The following MYO1D variants were observed in gnomAD, a reference collection of about 807,000 sequenced individuals.
The protein encoded by MYO1D is unconventional myosin-Id.
A neutral mutation model predicts 122.0 loss-of-function variants in MYO1D; 83 were observed. The observed-to-expected ratio is 0.68, with a 90% CI of 0.57 to 0.82. The LOEUF (loss-of-function observed/expected upper bound fraction) is 0.82, where lower values mean the gene tolerates loss of function less well. Among genes scored for constraint, MYO1D ranks in the 40% least tolerant of loss-of-function variants. MYO1D has a pLI of 0.00. For synonymous variants in MYO1D, 464 were observed against 446.9 expected, an observed-to-expected ratio of 1.04 and a Z score of -0.48; for missense variants, 1,157 against 1,269.5, an observed-to-expected ratio of 0.91 and a Z score of 1.35.
At chr17:32,582,410 T>C (rs2087351012) in intron 21 of MYO1D, among the ~76,000 whole-genome samples, 1 of 152,250 alleles carries the variant, frequency 6.6e-6, no homozygotes, top group Non-Finnish European at 1.5e-5. Context: ...TAATTTCCCC[T>C]TTGACCTATA....
chr17:32,595,251 C>G lies in MYO1D; in HGVS notation c.2864+9836G>C, dbSNP rs1364312721. Among the ~76,000 whole-genome samples, 3 of 152,174 alleles carry G rather than the reference C, an allele frequency of 2.0e-5. No homozygotes were observed. The South Asian group carries it at 6.2e-4, about 32-fold the overall frequency. ...AGCACTGCAGGGTGAATATAGAACC[C>G]TATTCTGTAATCTTATCTGTAATCG... On this transcript the variant is annotated intron_variant, in intron 21 of 21. Coordinates refer to ENST00000318217, the MANE Select transcript of MYO1D (RefSeq NM_015194.3).
chr17:32,676,192 T>C (rs2088806485), intron 16 of MYO1D, among the ~76,000 whole-genome samples: 1 of 152,212 alleles, frequency 6.6e-6, no homozygotes, highest in Admixed American at 6.5e-5. Flanking sequence ...TGCCACACAT[T>C]AAAGCCCTCA....
chr17:32,588,061 G>A (rs1164779694), intron 21 of MYO1D, among the ~76,000 whole-genome samples: 1 of 152,170 alleles, frequency 6.6e-6, no homozygotes, highest in Non-Finnish European at 1.5e-5. Flanking sequence ...AGATGAATTA[G>A]TCATCTGGCA....
intron 21 of MYO1D, among the ~76,000 whole-genome samples, chr17:32,556,255 A>C (rs1224285788): frequency 1.3e-5 from 2 of 152,088 alleles, no homozygotes; most frequent in South Asian, 4.1e-4. Flanking sequence ...TCTTACCTAT[A>C]TTTTTCTAAC....
intron 14 of MYO1D, among the ~76,000 whole-genome samples, chr17:32,736,993 G>A (rs1194910824): frequency 1.3e-5 from 2 of 152,202 alleles, no homozygotes; most frequent in African/African-American, 4.8e-5. Context: ...GCGGTCACTT[G>A]AGGCCAAAGA....
At chr17:32,749,619 C>T (rs747664265) in intron 11 of MYO1D, among the ~76,000 whole-genome samples, 16 of 151,966 alleles carry the variant, frequency 1.1e-4, no homozygotes, top group Non-Finnish European at 2.4e-4. Flanking sequence ...CCCACCTAGT[C>T]GGGAGGCTGA....
chr17:32,636,923 G>C (rs2088108313), intron 20 of MYO1D, among the ~76,000 whole-genome samples: 1 of 152,200 alleles, frequency 6.6e-6, no homozygotes, highest in Non-Finnish European at 1.5e-5. Context: ...AGACGGTATG[G>C]GCAGGGTGTT....
At chr17:32,691,924 C>T (rs185985168) in intron 16 of MYO1D, among the ~76,000 whole-genome samples, 55 of 152,056 alleles carry the variant, frequency 3.6e-4, no homozygotes, top group Non-Finnish European at 1.0e-4. Flanking sequence ...TTGAAAAATC[C>T]CGAGTATTTG....
chr17:32,668,214 G>C (rs908825605), intron 16 of MYO1D, among the ~76,000 whole-genome samples: 2 of 152,172 alleles, frequency 1.3e-5, no homozygotes, highest in Non-Finnish European at 2.9e-5. Context: ...CAGAGTTTTG[G>C]TCAAGAGTTT....
chr17:32,518,346 A>G (rs1909971885), intron 21 of MYO1D: 1 of 152,614 alleles, frequency 6.6e-6, no homozygotes, highest in African/African-American at 2.4e-5. Flanking sequence ...CTGTTTATTC[A>G]TAATTCTGCG....
chr17:32,594,824 G>C (rs1427967832), intron 21 of MYO1D, among the ~76,000 whole-genome samples: 1 of 152,144 alleles, frequency 6.6e-6, no homozygotes, highest in Non-Finnish European at 1.5e-5. Context: ...ACAGACTCTA[G>C]TTGTGGTTGC....
intron 10 of MYO1D, chr17:32,759,891 T>G: frequency 2.0e-6 from 1 of 489,230 alleles, no homozygotes; most frequent in Non-Finnish European, 3.6e-6. Context: ...AAATACCATA[T>G]AGTCTACAAA....
At chr17:32,499,051 A>G (rs1909222188) in intron 21 of MYO1D, 1 of 152,004 alleles carries the variant, frequency 6.6e-6, no homozygotes, top group African/African-American at 2.4e-5. Context: ...AAAATACGAA[A>G]ATTAGCCGGG....
rs772852187 is a variant in MYO1D at position 32,605,228 on chromosome 17, C to G, written c.2723G>C (p.Ser908Thr). The G allele has an allele frequency of 1.9e-6, 3 of 1,564,030 alleles. No homozygotes were observed. The highest frequency in any genetic ancestry group is 4.6e-5 in the East Asian group (2 of 43,864). ...AAGTTGGTCCTTTCCATTGGAGACACTCAGACCAGTCAACTGCAAAGAGAA... is the reference window on the plus strand; with the variant it reads ...AAGTTGGTCCTTTCCATTGGAGACAGTCAGACCAGTCAACTGCAAAGAGAA... ...TIPLYNLTGL[S>T]VSNGKDQLVV... The change falls in exon 21 of 22, where the codon AGT becomes ACT. Residue 908 changes from serine to threonine, a missense_variant. Coordinates refer to ENST00000318217, the MANE Select transcript of MYO1D (RefSeq NM_015194.3).
chr17:32,757,022 C>G (rs923883487), intron 10 of MYO1D, among the ~76,000 whole-genome samples: 2 of 152,176 alleles, frequency 1.3e-5, no homozygotes, highest in Admixed American at 6.6e-5. Flanking sequence ...TATGTCCCAT[C>G]TTACGCAGGA....
intron 21 of MYO1D, among the ~76,000 whole-genome samples, chr17:32,575,690 A>T (rs1203162898): frequency 6.6e-6 from 1 of 152,086 alleles, no homozygotes; most frequent in Non-Finnish European, 1.5e-5. Flanking sequence ...ATTATGTTTC[A>T]ATGGCTCCTG....
At chr17:32,760,184 G>A in intron 10 of MYO1D, 106 bp downstream of exon 10, 1 of 956,548 alleles carries the variant, frequency 1.0e-6, no homozygotes, top group Non-Finnish European at 1.7e-6. Flanking sequence ...CTAAGGTTCA[G>A]ATGTTTCAAA....
chr17:32,597,868 C>CAAA (rs755415435), intron 21 of MYO1D, among the ~76,000 whole-genome samples: 42 of 62,656 alleles, frequency 6.7e-4, no homozygotes, highest in South Asian at 1.2e-3. Flanking sequence ...AACCCTGTCT[C>CAAA]AAAAAAAAAA....
intron 1 of MYO1D, among the ~76,000 whole-genome samples, chr17:32,873,253 AAC>A (rs1454102144): frequency 6.6e-6 from 1 of 152,214 alleles, no homozygotes; most frequent in Non-Finnish European, 1.5e-5. Context: ...CTGTTGAGAA[AAC>A]ACAGACCCAT....
Sources: gnomAD v4.1 joint callset for allele counts (sites outside exome capture counted in the v4.1 genomes callset) on GRCh38, gnomAD v4.1.1 for gene constraint, MANE v1.5 for transcripts, NCBI Gene and HGNC (gene_info 2026-07-23, HGNC 2026-07-21) for gene names.